The following HES7 variants were observed in gnomAD, a reference collection of about 807,000 sequenced individuals.
The protein encoded by HES7 is hes family bHLH transcription factor 7.
Under a neutral mutation model 18.0 loss-of-function variants are expected in HES7, and 8 were observed. That is an observed-to-expected ratio of 0.45 (90% CI 0.26 to 0.80). The LOEUF (loss-of-function observed/expected upper bound fraction) is 0.80. HES7 is among the 30% of genes least tolerant of loss of function. The probability of loss-of-function intolerance (pLI) is 0.18; values close to 1 mark genes in which losing one functional copy is unlikely to be tolerated. For missense variants in HES7, 356 were observed against 340.9 expected, an observed-to-expected ratio of 1.04 and a Z score of -0.35; for synonymous variants, 170 against 158.6, an observed-to-expected ratio of 1.07 and a Z score of -0.54.
At position 8,122,238 on chromosome 17, in the gene HES7, A is replaced by T; in HGVS notation, c.226+105T>A. The T allele has an allele frequency of 9.3e-7, 1 of 1,075,928 alleles. No individual in the cohort carries two copies. Among genetic ancestry groups the T allele is most frequent in the Non-Finnish European group, 1.4e-6 (1 of 727,484 alleles). 66.6% of individuals were successfully genotyped at this position (1,075,928 alleles called of 1,614,324 possible). ...ACCTCGCCTCGGAGCAGAACCGGCC[A>T]CTCCCCAAGCCCACCATCCACCGCA... On this transcript the variant is annotated intron_variant, in intron 3 of 3. Transcript: ENST00000541682. This position sits in a 1 kb window ranked among gnomAD's most constrained non-coding sequence, Gnocchi z 6.9.
Position 8,122,322 on chromosome 17 carries a change from T to C in HES7, c.226+21A>G. On this transcript the variant is annotated intron_variant, in intron 3 of 3. Transcript: ENST00000541682. This position sits in a 1 kb window ranked among gnomAD's most constrained non-coding sequence, Gnocchi z 6.9. ...TGGCGTCCCCCCTCCCTCCCTCCGC[T>C]GCCCCACCCCCGCGCTGTACCCGGG... 7.7e-7 allele frequency: 1 copy of C among 1,293,642 alleles called. No individual in the cohort carries two copies. The highest frequency in any genetic ancestry group is 1.1e-6 in the Non-Finnish European group (1 of 914,478). 80.1% of individuals were successfully genotyped at this position (1,293,642 alleles called of 1,614,324 possible).
rs957489418 is a variant in HES7, at chr17:8,121,517, C to T, written c.*54G>A. On this transcript the variant is annotated 3_prime_UTR_variant, in exon 4 of 4. Transcript: ENST00000541682. ...GACGCCCGGGTCCCTCTGCTGCCCTCGGGCTGGAGTCTCTACCCCACCCCT... is the reference window on the plus strand; with the variant it reads ...GACGCCCGGGTCCCTCTGCTGCCCTTGGGCTGGAGTCTCTACCCCACCCCT... 5.1e-5 allele frequency: 64 copies of T among 1,263,520 alleles called. No individual in the cohort carries two copies. Among genetic ancestry groups the T allele is most frequent in the South Asian group, 1.2e-4 (4 of 32,024 alleles). The allele number at this position is 1,263,520 out of a possible 1,614,324, so 78.3% of individuals were successfully genotyped here. A position where few individuals can be genotyped will look rare whatever the true frequency, so the allele number is the denominator to read the frequency against.
rs1981415857 is a variant in HES7 at position 8,122,600 on chromosome 17, A to G, written c.139-170T>C. Among the ~76,000 whole-genome samples, 1 of 152,154 alleles carries G rather than the reference A, an allele frequency of 6.6e-6. No individual in the cohort carries two copies. Among genetic ancestry groups the G allele is most frequent in the African/African-American group, 2.4e-5 (1 of 41,438 alleles). On this transcript the variant is annotated intron_variant, in intron 2 of 3. Coordinates refer to ENST00000541682, the MANE Select transcript of HES7 (RefSeq NM_001165967.2). This position sits in a 1 kb window ranked among gnomAD's most constrained non-coding sequence, Gnocchi z 6.9. ...ATGCGGAGTGGAGATGACCAAGGAA[A>G]GTCCTGGCCCACCCTGAGACGAAAC...
chr17:8,121,898 C>G lies in HES7; in HGVS notation c.366G>C (p.Gln122His). 1 of 1,569,094 alleles carries G rather than the reference C, an allele frequency of 6.4e-7. No individual in the cohort carries two copies. Among genetic ancestry groups the G allele is most frequent in the Non-Finnish European group, 8.6e-7 (1 of 1,168,064 alleles). Residue 122 changes from glutamine (Q) to histidine (H), a missense_variant, in exon 4 of 4, where the codon CAG (glutamine) becomes CAC (histidine). Physicochemically the swap from Gln to His is conservative, Grantham distance 24. Transcript: ENST00000541682. ...AHDASPAARAQLFSALHGYLR... is the reference protein window; with the variant it reads ...AHDASPAARAHLFSALHGYLR... ...GATAGCCGTGCAGCGCGGAGAAGAG[C>G]TGGGCGCGGGCGGCCGGGCTGGCGT...
Position 8,121,868 on chromosome 17 carries a change from G to T in HES7, c.396C>A (p.Arg132=). 6.4e-7 allele frequency: 1 copy of T among 1,572,386 alleles called. No homozygotes were observed. Among genetic ancestry groups the T allele is most frequent in the South Asian group, 1.1e-5 (1 of 88,798 alleles). The change falls in exon 4 of 4, where the codon CGC becomes CGA. Residue 132 remains arginine (R), a synonymous_variant. Transcript: ENST00000541682. The part of the protein sequence containing the change: ...QLFSALHGYL[R]PKPPRPKPVD... ...CCGGCTTGGGCCGGGGCGGTTTGGG[G>T]CGCAGATAGCCGTGCAGCGCGGAGA...
At chr17:8,126,248 G>A (rs922854909), upstream of HES7, among the ~76,000 whole-genome samples, 2 of 151,964 alleles carry the variant, frequency 1.3e-5, no homozygotes, top group Non-Finnish European at 2.9e-5. Flanking sequence ...CTCCTTTCCG[G>A]GTCTCTGAGT....
chr17:8,120,922 G>C lies in HES7; in HGVS notation c.*649C>G, dbSNP rs953210896. 1 of 152,682 alleles carries C rather than the reference G, an allele frequency of 6.5e-6. No homozygotes were observed. Among genetic ancestry groups the C allele is most frequent in the Non-Finnish European group, 1.5e-5 (1 of 68,060 alleles). 9.5% of individuals were successfully genotyped at this position (152,682 alleles called of 1,614,324 possible). ...AGCTACAAGACGCCGCCGTTCGTCG[G>C]GTGGCTCTGTGGCGCAATGGATAGC... On this transcript the variant is annotated 3_prime_UTR_variant, in exon 4 of 4. Coordinates refer to ENST00000541682, the MANE Select transcript of HES7 (RefSeq NM_001165967.2).
chr17:8,122,269 C>A lies in HES7; in HGVS notation c.226+74G>T, dbSNP rs981841965. 311 of 1,319,572 alleles carry A rather than the reference C, an allele frequency of 2.4e-4. No homozygotes were observed. The highest frequency in any genetic ancestry group is 3.1e-4 in the Non-Finnish European group (290 of 941,058). 81.7% of individuals were successfully genotyped at this position (1,319,572 alleles called of 1,614,324 possible). A position where few individuals can be genotyped will look rare whatever the true frequency, so the allele number is the denominator to read the frequency against. ...CAAGCCCACCATCCACCGCAGGGCCCGCCCACTCTGCCCCGGCCGGAGCCT... is the reference window on the plus strand; with the variant it reads ...CAAGCCCACCATCCACCGCAGGGCCAGCCCACTCTGCCCCGGCCGGAGCCT... On this transcript the variant is annotated intron_variant, in intron 3 of 3. Transcript: ENST00000541682. This position sits in a 1 kb window ranked among gnomAD's most constrained non-coding sequence, Gnocchi z 6.9.
At chr17:8,124,201 C>T (rs1218606974), upstream of HES7, 8 of 1,214,202 alleles carry the variant, frequency 6.6e-6, no homozygotes, top group African/African-American at 1.5e-5. Flanking sequence ...CAGATTCTGC[C>T]CCTCTAGGAC....
In HES7 at chr17:8,123,402, C is replaced by T. The variant is rs948904509; in HGVS notation, c.43-276G>A. 3.7e-6 allele frequency: 2 copies of T among 545,010 alleles called. No homozygotes were observed. Among genetic ancestry groups the T allele is most frequent in the African/African-American group, 3.8e-5 (2 of 52,786 alleles). 33.8% of individuals were successfully genotyped at this position (545,010 alleles called of 1,614,324 possible). On this transcript the variant is annotated intron_variant, in intron 1 of 3. Coordinates refer to ENST00000541682, the MANE Select transcript of HES7 (RefSeq NM_001165967.2). The surrounding 1 kb of genome is among the most constrained non-coding windows in gnomAD (Gnocchi z 5.9). The stretch of plus-strand genomic sequence containing the variant: ...TGTCTCTCCTCCTCTTTTCTCTCTA[C>T]GTCTCCGTCTGGTGCAGTTTCTCTT...
chr17:8,122,480 G>T lies in HES7; in HGVS notation c.139-50C>A. 1.5e-6 allele frequency: 2 copies of T among 1,306,030 alleles called. No homozygotes were observed. Among genetic ancestry groups the T allele is most frequent in the Non-Finnish European group, 2.2e-6 (2 of 924,472 alleles). The allele number at this position is 1,306,030 out of a possible 1,614,324, so 80.9% of individuals were successfully genotyped here. The stretch of plus-strand genomic sequence containing the variant: ...GAGACAGAAAGGGGTGGGGAGAAAG[G>T]GGGAAAGTGGCAGGGGGAAGAAGGG... On this transcript the variant is annotated intron_variant, in intron 2 of 3. Transcript: ENST00000541682. The surrounding 1 kb of genome is among the most constrained non-coding windows in gnomAD (Gnocchi z 6.9).
Position 8,123,465 on chromosome 17 carries a change from C to CGG in HES7, c.43-340_43-339insCC, listed in dbSNP as rs1981468948. ...GAACTTTGGGGACTCTCTGCGCGCA[C>CGG]GCACGTGCGCCGCACGGTGCCGGGC... On this transcript the variant is annotated intron_variant, in intron 1 of 3. Transcript: ENST00000541682. This position sits in a 1 kb window ranked among gnomAD's most constrained non-coding sequence, Gnocchi z 5.9. 3 of 416,924 alleles carry CGG rather than the reference C, an allele frequency of 7.2e-6. No homozygotes were observed. The South Asian group carries it at 7.5e-5, about 10-fold the overall frequency. 25.8% of individuals were successfully genotyped at this position (416,924 alleles called of 1,614,324 possible).
In HES7 at chr17:8,120,675, G is replaced by A. The variant is rs781083843; in HGVS notation, c.*896C>T. 3.3e-5 allele frequency: 5 copies of A among 152,542 alleles called. No homozygotes were observed. The highest frequency in any genetic ancestry group is 3.3e-4 in the Admixed American group (5 of 15,282). The allele number at this position is 152,542 out of a possible 1,614,324, so 9.4% of individuals were successfully genotyped here. The stretch of plus-strand genomic sequence containing the variant: ...GCCGGAAACACCCCCCAAGCGGGCA[G>A]CCGGAGCTCTGCACTCGCTCGCTCA... On this transcript the variant is annotated 3_prime_UTR_variant, in exon 4 of 4. Transcript: ENST00000541682.
At chr17:8,125,763 G>T (rs554444064), upstream of HES7, among the ~76,000 whole-genome samples, 147 of 152,300 alleles carry the variant, frequency 9.7e-4, no homozygotes, top group Non-Finnish European at 2.8e-4. Flanking sequence ...TGGTTCAGTG[G>T]TAGAATTCTC....
At chr17:8,125,961 G>A (rs531746335), upstream of HES7, among the ~76,000 whole-genome samples, 1 of 152,250 alleles carries the variant, frequency 6.6e-6, no homozygotes, top group Non-Finnish European at 1.5e-5. Context: ...AGGCCTAAAC[G>A]ATTCCGCACG....
At chr17:8,124,134 A>G, upstream of HES7, 1 of 1,612,340 alleles carries the variant, frequency 6.2e-7, no homozygotes, top group Middle Eastern at 1.6e-4. Context: ...CTGGAGCCTT[A>G]TATTCCGCGG....
rs1413103317 is a variant in HES7 at position 8,122,094 on chromosome 17, G to A, written c.227-57C>T. The stretch of plus-strand genomic sequence containing the variant: ...GGGCAGGGGCCCGGCAGGGGTGAGG[G>A]AAGGGGCGGGGCGCAGAGATACCAA... On this transcript the variant is annotated intron_variant, in intron 3 of 3. Coordinates refer to ENST00000541682, the MANE Select transcript of HES7 (RefSeq NM_001165967.2). The surrounding 1 kb of genome is among the most constrained non-coding windows in gnomAD (Gnocchi z 6.9). 5 of 1,408,822 alleles carry A rather than the reference G, an allele frequency of 3.5e-6. No homozygotes were observed. Among genetic ancestry groups the A allele is most frequent in the South Asian group, 1.4e-5 (1 of 70,982 alleles). The allele number at this position is 1,408,822 out of a possible 1,614,324, so 87.3% of individuals were successfully genotyped here.
rs756066802 is a variant in HES7, at chr17:8,121,968, G to A, written c.296C>T (p.Ser99Phe). 209 of 1,550,862 alleles carry A rather than the reference G, an allele frequency of 1.3e-4. No individual in the cohort carries two copies. The highest frequency in any genetic ancestry group is 1.8e-4 in the Non-Finnish European group (204 of 1,158,714). ...GCGAAGCAGGCACTCGCGGAAACCG[G>A]ACAAGTAGCAGCTGGCGAGCGCCTC... ...DAEALASCYLSGFRECLLRLA... is the reference protein window; with the variant it reads ...DAEALASCYLFGFRECLLRLA... The change falls in exon 4 of 4, where the codon TCC becomes TTC. Residue 99 changes from serine to phenylalanine, a missense_variant. Transcript: ENST00000541682.
At chr17:8,125,378 C>T (rs1981554229), upstream of HES7, among the ~76,000 whole-genome samples, 1 of 152,188 alleles carries the variant, frequency 6.6e-6, no homozygotes, top group African/African-American at 2.4e-5. Context: ...GGAGGGGGCT[C>T]CCATTTGGGA....
Sources: gnomAD v4.1 joint callset for allele counts (sites outside exome capture counted in the v4.1 genomes callset) on GRCh38, gnomAD v4.1.1 for gene constraint, Gnocchi (gnomAD v3.1) non-coding constraint, MANE v1.5 for transcripts, NCBI Gene and HGNC (gene_info 2026-07-23, HGNC 2026-07-21) for gene names.